The following PATJ variants were observed in gnomAD, a reference collection of about 807,000 sequenced individuals.
The protein encoded by PATJ is inaD-like protein.
In PATJ, 190 loss-of-function variants were observed where a neutral mutation model predicts 224.9. The ratio of observed to expected loss-of-function variants is 0.84; its 90% CI spans 0.75 to 0.95. The LOEUF (loss-of-function observed/expected upper bound fraction) is 0.95. Among genes scored for constraint, PATJ ranks in the 40% least tolerant of loss-of-function variants. The pLI is 0.00. For missense variants in PATJ, 2,121 were observed against 2,270.3 expected, an observed-to-expected ratio of 0.93 and a Z score of 1.34; for synonymous variants, 769 against 820.3, an observed-to-expected ratio of 0.94 and a Z score of 1.07.
At chr1:61,919,418 C>G (rs1379639490) in intron 26 of PATJ, among the ~76,000 whole-genome samples, 4 of 151,712 alleles carry the variant, frequency 2.6e-5, no homozygotes, top group Non-Finnish European at 5.9e-5. Context: ...GTCCTCCCAT[C>G]TGAGCCTCCC....
chr1:61,972,868 G>T (rs1683170510), intron 27 of PATJ, among the ~76,000 whole-genome samples: 1 of 151,826 alleles, frequency 6.6e-6, no homozygotes, highest in Non-Finnish European at 1.5e-5. Context: ...ACTTCACCAT[G>T]TACCTATTAG....
intron 24 of PATJ, among the ~76,000 whole-genome samples, chr1:61,905,163 G>C (rs775810813): frequency 4.6e-5 from 7 of 152,236 alleles, no homozygotes; most frequent in Non-Finnish European, 1.0e-4. Context: ...TAGTTCTGAA[G>C]GCTGGGAACT....
At chr1:61,951,294 T>C (rs1679635391) in intron 27 of PATJ, among the ~76,000 whole-genome samples, 1 of 152,206 alleles carries the variant, frequency 6.6e-6, no homozygotes, top group African/African-American at 2.4e-5. Context: ...AAACTCAGCT[T>C]CAGCGCTTGA....
rs190119120 is a variant in PATJ at position 61,949,853 on chromosome 1, G to A, written c.3670+22024G>A. ...CCTGGCAGAGGCTGCAGTGAGCCAA[G>A]ATCACACCACTGCCCTCCAGCCTAG... On this transcript the variant is annotated intron_variant, in intron 27 of 43. Transcript: ENST00000642238. Among the ~76,000 whole-genome samples the A allele has an allele frequency of 4.5e-3, 681 of 152,058 alleles. 4 individuals are homozygous for A. Among genetic ancestry groups the A allele is most frequent in the Non-Finnish European group, 7.1e-3 (483 of 67,998 alleles).
At chr1:61,832,145 A>G (rs1172755154) in intron 16 of PATJ, among the ~76,000 whole-genome samples, 1 of 139,838 alleles carries the variant, frequency 7.2e-6, no homozygotes, top group African/African-American at 3.3e-5. Context: ...GGACACAAAG[A>G]AGAGAACAAT....
intron 27 of PATJ, among the ~76,000 whole-genome samples, chr1:61,930,812 A>G (rs1675917549): frequency 6.6e-6 from 1 of 152,052 alleles, no homozygotes; most frequent in Admixed American, 6.6e-5. Context: ...GGTTCAAGCG[A>G]TTCTCCTGCC....
chr1:61,765,238 C>T (rs1293536021), intron 3 of PATJ, among the ~76,000 whole-genome samples: 3 of 151,336 alleles, frequency 2.0e-5, no homozygotes, highest in Non-Finnish European at 4.4e-5. Flanking sequence ...CCATGCCCAG[C>T]TAATTTTTGT....
At chr1:61,911,695 TTA>T (rs141530445) in intron 25 of PATJ, among the ~76,000 whole-genome samples, 6,308 of 140,522 alleles carry the variant, frequency 0.045, 443 homozygotes, top group African/African-American at 0.15. Flanking sequence ...CTATATATTT[TTA>T]TATATATATA....
intron 11 of PATJ, 42 bp from the exon 12 acceptor site, chr1:61,801,581 A>T: frequency 2.4e-6 from 3 of 1,246,122 alleles, no homozygotes; most frequent in Non-Finnish European, 3.2e-6. Context: ...AATTCAAGTT[A>T]GCATTAACAA....
chr1:61,759,700 G>A lies in PATJ; in HGVS notation c.-35-3158G>A, dbSNP rs765343060. ...TGGGATTACTGGCGTGAGCCACAGC[G>A]CCCGGGCTGATCGCTTTTGATAATT... On this transcript the variant is annotated intron_variant, in intron 1 of 43. Coordinates refer to ENST00000642238, the MANE Select transcript of PATJ (RefSeq NM_001350145.3). Among the ~76,000 whole-genome samples the A allele has an allele frequency of 3.3e-5, 5 of 152,140 alleles. No homozygotes were observed. The East Asian group carries it at 5.8e-4, about 18-fold the overall frequency.
intron 39 of PATJ, among the ~76,000 whole-genome samples, chr1:62,127,620 A>G (rs1570717659): frequency 6.6e-6 from 1 of 152,126 alleles, no homozygotes; most frequent in Non-Finnish European, 1.5e-5. Flanking sequence ...TGCCTGGCCA[A>G]CATGGTGAAG....
intron 41 of PATJ, among the ~76,000 whole-genome samples, chr1:62,135,219 A>G: frequency 6.6e-6 from 1 of 152,160 alleles, no homozygotes; most frequent in East Asian, 1.9e-4. Context: ...GCAAATAAAA[A>G]GCCAACTAAT....
intron 21 of PATJ, among the ~76,000 whole-genome samples, chr1:61,877,703 CA>C (rs1401230434): frequency 6.6e-6 from 1 of 152,162 alleles, no homozygotes; most frequent in African/African-American, 2.4e-5. Flanking sequence ...GCCTCTCGTA[CA>C]GCCTGTGGAA....
chr1:62,153,452 C>A lies in PATJ; in HGVS notation c.5473C>A (p.Pro1825Thr), dbSNP rs1668834260. 1 of 1,231,424 alleles carries A rather than the reference C, an allele frequency of 8.1e-7. No individual in the cohort carries two copies. The highest frequency in any genetic ancestry group is 1.6e-5 in the African/African-American group (1 of 64,510). 76.3% of individuals were successfully genotyped at this position (1,231,424 alleles called of 1,614,324 possible). A position where few individuals can be genotyped will look rare whatever the true frequency, so the allele number is the denominator to read the frequency against. ...GGYGSPHGDLPIYVKTVFAKG... is the reference protein window; with the variant it reads ...GGYGSPHGDLTIYVKTVFAKG... ...TTATGGAAGTCCCCATGGAGACCTG[C>A]CAATTTATGTCAAGACTGTATTTGC... The change falls in exon 43 of 44, where the codon CCA becomes ACA. Residue 1825 changes from proline (P) to threonine (T), a missense_variant. Physicochemically the swap from Pro to Thr is conservative, Grantham distance 38. Coordinates refer to ENST00000642238, the MANE Select transcript of PATJ (RefSeq NM_001350145.3).
intron 31 of PATJ, among the ~76,000 whole-genome samples, chr1:62,068,704 A>G (rs1354958935): frequency 1.3e-5 from 2 of 152,194 alleles, no homozygotes. Flanking sequence ...TATATGGGAT[A>G]TTGCCAGTGT....
At chr1:62,116,471 A>G (rs755294696) in intron 35 of PATJ, 61 bp from the exon 36 acceptor site, 57 of 1,577,270 alleles carry the variant, frequency 3.6e-5, no homozygotes, top group Non-Finnish European at 4.6e-5. Context: ...TCACACACAC[A>G]CGTATTATGC....
Position 62,161,089 on chromosome 1 carries a change from T to C in PATJ, c.*35T>C. The C allele has an allele frequency of 2.9e-6, 4 of 1,382,176 alleles. No individual in the cohort carries two copies. The highest frequency in any genetic ancestry group is 3.8e-6 in the Non-Finnish European group (4 of 1,066,052). 85.6% of individuals were successfully genotyped at this position (1,382,176 alleles called of 1,614,324 possible). ...CTGATCACAAGATAGATGTTGTTGT[T>C]TAGAATATCCACAGGCAGATGAAGT... On this transcript the variant is annotated 3_prime_UTR_variant, in exon 44 of 44. Coordinates refer to ENST00000642238, the MANE Select transcript of PATJ (RefSeq NM_001350145.3).
At chr1:61,984,164 A>ATTTT (rs779439336) in intron 27 of PATJ, among the ~76,000 whole-genome samples, 98 of 132,148 alleles carry the variant, frequency 7.4e-4, no homozygotes, top group South Asian at 6.1e-3. Flanking sequence ...TATTATTATT[A>ATTTT]TTTTTTTTTT....
intron 22 of PATJ, among the ~76,000 whole-genome samples, chr1:61,887,743 C>A (rs1237112882): frequency 6.6e-6 from 1 of 151,908 alleles, no homozygotes; most frequent in Admixed American, 6.6e-5. Flanking sequence ...TGCGGCGTGA[C>A]AAAGGAAGCA....
Sources: allele counts gnomAD v4.1 joint callset (sites outside exome capture counted in the v4.1 genomes callset), GRCh38; gene constraint gnomAD v4.1.1; transcripts MANE v1.5; gene names NCBI Gene and HGNC (gene_info 2026-07-23, HGNC 2026-07-21).